The following ADAMTSL2 variants were observed in gnomAD, a reference collection of about 807,000 sequenced individuals.
ADAMTSL2 encodes the protein ADAMTS-like protein 2.
In ADAMTSL2, 55 loss-of-function variants were observed where a neutral mutation model predicts 117.0. The ratio of observed to expected loss-of-function variants is 0.47; its 90% CI spans 0.38 to 0.59. The LOEUF (loss-of-function observed/expected upper bound fraction) is 0.59. Ranked by LOEUF, ADAMTSL2 falls within the 20% of genes least tolerant of loss-of-function variation. The pLI is 0.00. For synonymous variants in ADAMTSL2, 572 were observed against 566.4 expected, an observed-to-expected ratio of 1.01 and a Z score of -0.14; for missense variants, 1,182 against 1,354.5, an observed-to-expected ratio of 0.87 and a Z score of 2.00.
At chr9:133,544,735 G>A (rs1182829201) in intron 8 of ADAMTSL2, among the ~76,000 whole-genome samples, 185 bp downstream of exon 8, 1 of 152,158 alleles carries the variant, frequency 6.6e-6, no homozygotes, top group Non-Finnish European at 1.5e-5. Context: ...GTGCTCACAG[G>A]GGAGCCAGCT....
chr9:133,570,179 G>A (rs1831070997), intron 16 of ADAMTSL2, 152 bp from the exon 17 acceptor site: 6 of 864,292 alleles, frequency 6.9e-6, no homozygotes, highest in Admixed American at 2.7e-5. Context: ...AATGGTTATC[G>A]AACAAAGAGT....
At position 133,534,759 on chromosome 9, in the gene ADAMTSL2, G is replaced by A. The variant is rs1372206751; in HGVS notation, c.-309G>A. 2.7e-6 allele frequency: 4 copies of A among 1,459,130 alleles called. No individual in the cohort carries two copies. The highest frequency in any genetic ancestry group is 1.4e-5 in the South Asian group (1 of 72,806). The allele number at this position is 1,459,130 out of a possible 1,614,324, so 90.4% of individuals were successfully genotyped here. On this transcript the variant is annotated 5_prime_UTR_variant, in exon 1 of 19. Coordinates refer to ENST00000651351, the MANE Select transcript of ADAMTSL2 (RefSeq NM_014694.4). ...CTCTTGGATGCTCTTTGAAGTGGGAGAGGGAGGCGGCGCGGGGGAGGAGGG... is the reference window on the plus strand; with the variant it reads ...CTCTTGGATGCTCTTTGAAGTGGGAAAGGGAGGCGGCGCGGGGGAGGAGGG...
chr9:133,534,999 A>G, intron 1 of ADAMTSL2, 82 bp downstream of exon 1: 1 of 1,309,366 alleles, frequency 7.6e-7, no homozygotes, highest in South Asian at 2.1e-5. Flanking sequence ...TGGGGGTAGG[A>G]GCACCCCGCG....
chr9:133,537,302 C>T, intron 2 of ADAMTSL2, 103 bp from the exon 3 acceptor site: 26 of 1,245,396 alleles, frequency 2.1e-5, no homozygotes, highest in South Asian at 3.0e-5. Context: ...GGGGCTGTGT[C>T]TTCTGGTCCC....
rs1830654147 is a variant in ADAMTSL2 at position 133,558,359 on chromosome 9, A to T, written c.1649+2429A>T. Among the ~76,000 whole-genome samples the T allele has an allele frequency of 6.6e-6, 1 of 152,186 alleles. No homozygotes were observed. The highest frequency in any genetic ancestry group is 2.1e-4 in the South Asian group (1 of 4,834). ...CTCGGCCGAGTTGTCCAAACACAGG[A>T]AGTCGTGTCTGCTCAGAGAAGGCAA... On this transcript the variant is annotated intron_variant, in intron 11 of 18. Coordinates refer to ENST00000651351, the MANE Select transcript of ADAMTSL2 (RefSeq NM_014694.4). The surrounding 1 kb of genome is among the most constrained non-coding windows in gnomAD (Gnocchi z 4.3).
At position 133,534,779 on chromosome 9, in the gene ADAMTSL2, G is replaced by C; in HGVS notation, c.-289G>C. On this transcript the variant is annotated 5_prime_UTR_variant, in exon 1 of 19. Transcript: ENST00000651351. ...TGGGAGAGGGAGGCGGCGCGGGGGA[G>C]GAGGGGAAGGGGAGAGGGAGGCCGG... The C allele has an allele frequency of 6.8e-7, 1 of 1,473,814 alleles. No individual in the cohort carries two copies. The highest frequency in any genetic ancestry group is 1.3e-5 in the South Asian group (1 of 75,300). 91.3% of individuals were successfully genotyped at this position (1,473,814 alleles called of 1,614,324 possible).
chr9:133,567,231 G>A (rs918272424), intron 13 of ADAMTSL2, among the ~76,000 whole-genome samples, 169 bp downstream of exon 13: 1 of 152,220 alleles, frequency 6.6e-6, no homozygotes, highest in Admixed American at 6.5e-5. Context: ...GACCTTCTGG[G>A]TCTTCCCAGG....
chr9:133,564,213 G>A (rs1050225924), intron 12 of ADAMTSL2, among the ~76,000 whole-genome samples: 448 of 12,082 alleles, frequency 0.037, no homozygotes, highest in East Asian at 0.11. Flanking sequence ...AGAGAGAGAG[G>A]GAGAGGGAGA....
intron 7 of ADAMTSL2, among the ~76,000 whole-genome samples, chr9:133,542,135 C>T (rs1830239287): frequency 6.6e-6 from 1 of 152,320 alleles, no homozygotes; most frequent in East Asian, 1.9e-4. Context: ...CTCAGCCTGC[C>T]ACTGAGGGCT....
chr9:133,552,983 G>A (rs911623336), intron 9 of ADAMTSL2, among the ~76,000 whole-genome samples: 3 of 152,180 alleles, frequency 2.0e-5, no homozygotes, highest in South Asian at 2.1e-4. Flanking sequence ...TTGGTGTATA[G>A]CCCCTTCTCC....
intron 11 of ADAMTSL2, among the ~76,000 whole-genome samples, chr9:133,559,399 A>G (rs1240421824): frequency 3.1e-5 from 4 of 128,744 alleles, no homozygotes; most frequent in African/African-American, 1.2e-4. Flanking sequence ...TCAGGAGTGC[A>G]GTGGTGTGAT....
chr9:133,568,626 C>T lies in ADAMTSL2; in HGVS notation c.2112C>T (p.Arg704=). The T allele has an allele frequency of 6.2e-7, 1 of 1,611,266 alleles. No individual in the cohort carries two copies. Among genetic ancestry groups the T allele is most frequent in the Non-Finnish European group, 8.5e-7 (1 of 1,179,364 alleles). ...AGTGCACTGCCAAGTGTGGGGAGCG[C>T]AGTGTGGTGACCAGGGACATCCGCT... The part of the protein sequence containing the change: ...WSECTAKCGE[R]SVVTRDIRCS... The change falls in exon 15 of 19, where the codon CGC becomes CGT. Residue 704 remains arginine, a synonymous_variant. Transcript: ENST00000651351.
intron 12 of ADAMTSL2, among the ~76,000 whole-genome samples, chr9:133,565,373 C>T (rs1377873262): frequency 6.6e-6 from 1 of 152,208 alleles, no homozygotes; most frequent in Non-Finnish European, 1.5e-5. Flanking sequence ...TCTCTCTTGA[C>T]CAAGGCCTGC....
In ADAMTSL2 at chr9:133,552,278, C is replaced by T. The variant is rs914603776; in HGVS notation, c.940-2079C>T. Among the ~76,000 whole-genome samples the T allele has an allele frequency of 1.2e-4, 19 of 152,294 alleles. No homozygotes were observed. The East Asian group carries it at 3.7e-3, about 29-fold the overall frequency. On this transcript the variant is annotated intron_variant, in intron 9 of 18. Coordinates refer to ENST00000651351, the MANE Select transcript of ADAMTSL2 (RefSeq NM_014694.4). The stretch of plus-strand genomic sequence containing the variant: ...CAAAGAGATGTCTGGTACGCCCTAG[C>T]CCGCGGAACCCTGACATTTCCACTA...
In ADAMTSL2 at chr9:133,557,839, A is replaced by G. The variant is rs1830637695; in HGVS notation, c.1649+1909A>G. ...CCGGCAGTCACGGCCCTCCAAATAG[A>G]ATAGGTTTATCAGAGTGGCACCGAG... On this transcript the variant is annotated intron_variant, in intron 11 of 18. Transcript: ENST00000651351. This position sits in a 1 kb window ranked among gnomAD's most constrained non-coding sequence, Gnocchi z 5.2. Among the ~76,000 whole-genome samples the G allele has an allele frequency of 6.6e-6, 1 of 152,068 alleles. No homozygotes were observed. The highest frequency in any genetic ancestry group is 2.1e-4 in the South Asian group (1 of 4,828).
intron 4 of ADAMTSL2, 144 bp downstream of exon 4, chr9:133,538,568 G>A (rs1337618447): frequency 1.1e-5 from 10 of 925,646 alleles, no homozygotes; most frequent in Non-Finnish European, 1.7e-5. Context: ...GCAGGGTTGA[G>A]AAGGCTGCGG....
chr9:133,548,977 A>C, intron 9 of ADAMTSL2, among the ~76,000 whole-genome samples: 1 of 150,542 alleles, frequency 6.6e-6, no homozygotes, highest in Admixed American at 6.7e-5. Context: ...TACAACTGAC[A>C]CTCACAGTTT....
At chr9:133,546,940 T>G (rs1830363246) in intron 8 of ADAMTSL2, 98 bp from the exon 9 acceptor site, 3 of 1,276,358 alleles carry the variant, frequency 2.4e-6, no homozygotes, top group Non-Finnish European at 3.4e-6. Flanking sequence ...GAGCCGGGGT[T>G]CTGGAGGGCA....
chr9:133,560,119 A>G (rs1830692453), intron 11 of ADAMTSL2, among the ~76,000 whole-genome samples: 3 of 152,180 alleles, frequency 2.0e-5, no homozygotes, highest in African/African-American at 7.2e-5. Context: ...TCTGAATATA[A>G]TGCTCTAAGC....
Sources: allele counts gnomAD v4.1 joint callset (sites outside exome capture counted in the v4.1 genomes callset), GRCh38; gene constraint gnomAD v4.1.1; non-coding constraint Gnocchi (gnomAD v3.1); transcripts MANE v1.5; gene names NCBI Gene and HGNC (gene_info 2026-07-23, HGNC 2026-07-21).